Variants in MAP3K5 observed in about 807,000 individuals in gnomAD.
MAP3K5 encodes the protein mitogen-activated protein kinase kinase kinase 5.
In MAP3K5, 56 loss-of-function variants were observed where a neutral mutation model predicts 158.7. The observed-to-expected ratio is 0.35, with a 90% CI of 0.28 to 0.44. The LOEUF is 0.44. Ranked by LOEUF, MAP3K5 falls within the 20% of genes least tolerant of loss-of-function variation. The pLI is 1.00. For missense variants in MAP3K5, 1,294 were observed against 1,674.8 expected (o/e 0.77, Z 3.97); for synonymous variants, 579 against 601.7 (o/e 0.96, Z 0.55).
intron 14 of MAP3K5, among the ~76,000 whole-genome samples, chr6:136,628,070 T>G (rs910252834): frequency 2.0e-5 from 3 of 152,204 alleles, no homozygotes; most frequent in African/African-American, 4.8e-5. Flanking sequence ...GAGTCATTAT[T>G]GGTTTATTCT....
At chr6:136,596,953 G>GT (rs1775659376) in intron 21 of MAP3K5, among the ~76,000 whole-genome samples, 2 of 152,296 alleles carry the variant, frequency 1.3e-5, no homozygotes, top group South Asian at 4.1e-4. Context: ...GCTCATACAC[G>GT]TGAGTGATTG....
chr6:136,654,870 G>A (rs1192288920), intron 10 of MAP3K5, among the ~76,000 whole-genome samples: 1 of 151,684 alleles, frequency 6.6e-6, no homozygotes, highest in Non-Finnish European at 1.5e-5. Context: ...GCATGTTCAT[G>A]GTGTTTTTTT....
At chr6:136,722,300 A>G (rs12524861) in intron 1 of MAP3K5, among the ~76,000 whole-genome samples, 58,308 of 152,048 alleles carry the variant, frequency 0.38, 12,446 homozygotes, top group Middle Eastern at 0.49. Flanking sequence ...ATTACAATGA[A>G]AATGTTAATA....
chr6:136,637,212 A>G, intron 14 of MAP3K5, 113 bp downstream of exon 14: 2 of 1,212,762 alleles, frequency 1.6e-6, no homozygotes, highest in Non-Finnish European at 2.3e-6. Flanking sequence ...CACTAAAGGA[A>G]AGCCTACAGA....
intron 18 of MAP3K5, 87 bp downstream of exon 18, chr6:136,611,195 A>G (rs965477694): frequency 2.9e-5 from 20 of 700,984 alleles, no homozygotes; most frequent in Admixed American, 1.5e-4. Context: ...TGAGAACACC[A>G]ACTGAATTTC....
At chr6:136,565,473 C>G (rs1774058420) in intron 26 of MAP3K5, among the ~76,000 whole-genome samples, 2 of 152,210 alleles carry the variant, frequency 1.3e-5, no homozygotes, top group African/African-American at 4.8e-5. Flanking sequence ...GCTCTGTCAC[C>G]CAGGCTGGAG....
chr6:136,708,265 T>A (rs567236820), intron 2 of MAP3K5, among the ~76,000 whole-genome samples: 1 of 140,702 alleles, frequency 7.1e-6, no homozygotes, highest in South Asian at 2.3e-4. Context: ...TATTTTTTTT[T>A]AATTTTTTGA....
chr6:136,762,217 AAAGAGAAGAG>A (rs68129995), intron 1 of MAP3K5, among the ~76,000 whole-genome samples: 1 of 152,050 alleles, frequency 6.6e-6, no homozygotes, highest in Non-Finnish European at 1.5e-5. Flanking sequence ...AAATGGGAAG[AAAGAGAAGAG>A]AAGAGAAGAG....
intron 11 of MAP3K5, among the ~76,000 whole-genome samples, chr6:136,646,060 C>T (rs1778239863): frequency 6.6e-6 from 1 of 152,024 alleles, no homozygotes; most frequent in Non-Finnish European, 1.5e-5. Context: ...AATTTTACCA[C>T]TTTTATTTTA....
chr6:136,607,559 T>A (rs1348739825), intron 18 of MAP3K5, among the ~76,000 whole-genome samples: 1 of 152,208 alleles, frequency 6.6e-6, no homozygotes, highest in African/African-American at 2.4e-5. Flanking sequence ...TTAAGTAAAA[T>A]CAATGAGAGT....
intron 1 of MAP3K5, among the ~76,000 whole-genome samples, chr6:136,727,489 T>C (rs1387323569): frequency 2.6e-5 from 4 of 152,182 alleles, no homozygotes; most frequent in African/African-American, 9.7e-5. Flanking sequence ...CTGACTCACT[T>C]CCTAAACTTA....
At chr6:136,576,380 T>C (rs923579580) in intron 25 of MAP3K5, among the ~76,000 whole-genome samples, 2 of 152,176 alleles carry the variant, frequency 1.3e-5, no homozygotes, top group African/African-American at 4.8e-5. Flanking sequence ...AGTGCAATCA[T>C]AGCTCACTGT....
intron 3 of MAP3K5, among the ~76,000 whole-genome samples, chr6:136,701,232 C>A (rs867827813): frequency 6.6e-5 from 10 of 152,336 alleles, no homozygotes; most frequent in Middle Eastern, 3.4e-3. Flanking sequence ...TGCTCTCTAA[C>A]CTTCTGTCAC....
intron 1 of MAP3K5, among the ~76,000 whole-genome samples, chr6:136,746,622 A>C (rs898333946): frequency 9.2e-5 from 14 of 152,352 alleles, no homozygotes; most frequent in African/African-American, 3.1e-4. Flanking sequence ...AGAGGGAGAC[A>C]AAATCTATGT....
chr6:136,699,070 T>C (rs1366857391), intron 3 of MAP3K5, among the ~76,000 whole-genome samples: 4 of 152,100 alleles, frequency 2.6e-5, no homozygotes, highest in African/African-American at 4.8e-5. Context: ...AAGCTCACAT[T>C]TGAAGGGCTT....
At chr6:136,571,767 C>T (rs1032506196) in intron 25 of MAP3K5, among the ~76,000 whole-genome samples, 1 of 152,066 alleles carries the variant, frequency 6.6e-6, no homozygotes, top group Non-Finnish European at 1.5e-5. Context: ...GAATATACAC[C>T]CAGAAGAGAA....
At chr6:136,606,142 G>C (rs908963142) in intron 18 of MAP3K5, among the ~76,000 whole-genome samples, 9 of 152,200 alleles carry the variant, frequency 5.9e-5, no homozygotes, top group Non-Finnish European at 1.3e-4. Context: ...CACGAGGTCA[G>C]GAGTTTGAGA....
At chr6:136,599,171 G>GT (rs1339673851) in intron 21 of MAP3K5, among the ~76,000 whole-genome samples, 2 of 139,788 alleles carry the variant, frequency 1.4e-5, no homozygotes, top group East Asian at 4.2e-4. Flanking sequence ...AAAAAAAAGG[G>GT]GGGGGGGGCG....
chr6:136,725,373 T>G (rs537149835), intron 1 of MAP3K5, among the ~76,000 whole-genome samples: 2 of 152,312 alleles, frequency 1.3e-5, no homozygotes, highest in Admixed American at 1.3e-4. Context: ...CTTGGTATTG[T>G]CCGTTTTTCT....
Sources: allele counts gnomAD v4.1 joint callset (sites outside exome capture counted in the v4.1 genomes callset), GRCh38; gene constraint gnomAD v4.1.1; transcripts MANE v1.5; gene names NCBI Gene and HGNC (gene_info 2026-07-23, HGNC 2026-07-21).